DHX36: variants seen among roughly 807,000 people sequenced by gnomAD.
DHX36 encodes the protein ATP-dependent DNA/RNA helicase DHX36.
DHX36 carries 50 observed loss-of-function variants against 139.0 expected under a neutral mutation model. The ratio of observed to expected loss-of-function variants is 0.36; its 90% CI spans 0.29 to 0.46. DHX36 has a LOEUF of 0.46. DHX36 is among the 20% of genes least tolerant of loss of function. The pLI is 1.00. For missense variants in DHX36, 1,024 were observed against 1,211.3 expected, an observed-to-expected ratio of 0.85 and a Z score of 2.29; for synonymous variants, 425 against 401.9, an observed-to-expected ratio of 1.06 and a Z score of -0.69.
intron 12 of DHX36, 51 bp downstream of exon 12, chr3:154,299,787 A>G (rs368699815): frequency 1.6e-4 from 211 of 1,329,262 alleles, no homozygotes; most frequent in Non-Finnish European, 2.1e-4. Context: ...CACATCATAT[A>G]TAATTCAAAT....
Position 154,315,112 on chromosome 3 carries a change from A to C in DHX36, c.537T>G (p.Thr179=), listed in dbSNP as rs1377770552. 6.2e-7 allele frequency: 1 copy of C among 1,613,280 alleles called. No individual in the cohort carries two copies. Residue 179 remains threonine, a synonymous_variant, in exon 3 of 25, where the codon ACT becomes ACG. Coordinates refer to ENST00000496811, the MANE Select transcript of DHX36 (RefSeq NM_020865.3). The part of the protein sequence containing the change: ...YLLQENEPDG[T]LDQKLLEDLQ... ...AATCTTCCAATAATTTTTGGTCTAAAGTTCCATCTGGTTCATTTTCTTGCA... is the reference window on the plus strand; with the variant it reads ...AATCTTCCAATAATTTTTGGTCTAACGTTCCATCTGGTTCATTTTCTTGCA...
At chr3:154,293,614 C>G in intron 14 of DHX36, 134 bp downstream of exon 14, 1 of 611,910 alleles carries the variant, frequency 1.6e-6, no homozygotes, top group Non-Finnish European at 2.8e-6. Context: ...ACTATGCTCA[C>G]TGCCATAAAA....
intron 17 of DHX36, among the ~76,000 whole-genome samples, 196 bp downstream of exon 17, chr3:154,288,670 G>C (rs371121812): frequency 2.6e-5 from 4 of 151,972 alleles, no homozygotes; most frequent in African/African-American, 9.7e-5. Context: ...GAATTATTAC[G>C]AAGATATCAC....
At chr3:154,295,485 C>G (rs1712005754) in intron 12 of DHX36, 146 bp from the exon 13 acceptor site, 1 of 425,602 alleles carries the variant, frequency 2.3e-6, no homozygotes, top group Non-Finnish European at 4.3e-6. Context: ...AACAGCTAAA[C>G]CATCTGAGTT....
chr3:154,288,147 CA>C (rs34632439), intron 17 of DHX36, among the ~76,000 whole-genome samples: 8,786 of 53,314 alleles, frequency 0.16, 89 homozygotes, highest in Middle Eastern at 0.19. Flanking sequence ...GACTCTGTCT[CA>C]AAAAAAAAAA....
chr3:154,279,607 T>C (rs571800966), intron 22 of DHX36: 2 of 152,342 alleles, frequency 1.3e-5, no homozygotes, highest in African/African-American at 4.8e-5. Context: ...TTGACTTTAG[T>C]ACTACTGACA....
chr3:154,314,527 T>C (rs2108364536), intron 3 of DHX36: 1 of 152,750 alleles, frequency 6.5e-6, no homozygotes, highest in East Asian at 1.9e-4. Flanking sequence ...AATTTTATGT[T>C]TTAACTGAAA....
intron 15 of DHX36, among the ~76,000 whole-genome samples, chr3:154,292,208 T>C (rs1288027793): frequency 5.9e-5 from 9 of 152,162 alleles, no homozygotes; most frequent in Non-Finnish European, 1.3e-4. Flanking sequence ...TTAATATGGA[T>C]CAAGTGTTCA....
At chr3:154,311,709 A>C (rs762318806) in intron 3 of DHX36, 35 bp from the exon 4 acceptor site, 1 of 1,528,148 alleles carries the variant, frequency 6.5e-7, no homozygotes, top group Admixed American at 1.9e-5. Context: ...TTTTCACAGA[A>C]GATATGTAAT....
intron 1 of DHX36, 129 bp downstream of exon 1, chr3:154,324,045 T>C: frequency 1.8e-6 from 2 of 1,091,826 alleles, no homozygotes; most frequent in South Asian, 1.6e-5. Flanking sequence ...GCATAATATA[T>C]TTGCGCCTCA....
Position 154,315,156 on chromosome 3 carries a change from G to A in DHX36, c.493C>T (p.Arg165Ter). ...FRIRNRSYID[R>*]DSEYLLQENE... ...TCTTGCAAGAGATACTCAGAATCTC[G>A]GTCAATATATGATCTGTTCCTGATT... The change falls in exon 3 of 25, where the codon CGA (arginine) becomes TGA (stop). Residue 165 changes from arginine to a stop codon, truncating the protein, a stop_gained. Coordinates refer to ENST00000496811, the MANE Select transcript of DHX36 (RefSeq NM_020865.3). LOFTEE classifies it high-confidence loss of function. The A allele has an allele frequency of 3.7e-6, 6 of 1,612,550 alleles. No individual in the cohort carries two copies. Among genetic ancestry groups the A allele is most frequent in the South Asian group, 1.1e-5 (1 of 90,944 alleles).
At chr3:154,298,241 T>C (rs1712119033) in intron 12 of DHX36, among the ~76,000 whole-genome samples, 1 of 152,218 alleles carries the variant, frequency 6.6e-6, no homozygotes, top group African/African-American at 2.4e-5. Context: ...ACGTTATATT[T>C]TGGTATATAT....
Position 154,280,674 on chromosome 3 carries a change from G to A in DHX36, c.2477-5C>T. 6.2e-7 allele frequency: 1 copy of A among 1,609,706 alleles called. No homozygotes were observed. The highest frequency in any genetic ancestry group is 8.5e-7 in the Non-Finnish European group (1 of 1,176,560). On this transcript the variant is annotated splice_region_variant and splice_polypyrimidine_tract_variant and intron_variant, in intron 21 of 24. Coordinates refer to ENST00000496811, the MANE Select transcript of DHX36 (RefSeq NM_020865.3). Reference sequence around the variant, plus strand: ...CTTTAATTATCTTCTCATTATCTATGGGGGGTGAGAAGGTAGAGGGGAAAA... The same window carrying A: ...CTTTAATTATCTTCTCATTATCTATAGGGGGTGAGAAGGTAGAGGGGAAAA...
In DHX36 at chr3:154,324,475, C is replaced by G. The variant is rs1366884347; in HGVS notation, c.-59G>C. Reference sequence around the variant, plus strand: ...AACCGCTGGAAATGGCGTCCGGGCCCGGAAGCCACTGTGCGCCCACTTCCG... The same window carrying G: ...AACCGCTGGAAATGGCGTCCGGGCCGGGAAGCCACTGTGCGCCCACTTCCG... On this transcript the variant is annotated 5_prime_UTR_variant, in exon 1 of 25. Coordinates refer to ENST00000496811, the MANE Select transcript of DHX36 (RefSeq NM_020865.3). 7.0e-7 allele frequency: 1 copy of G among 1,435,198 alleles called. No individual in the cohort carries two copies. The allele number at this position is 1,435,198 out of a possible 1,614,324, so 88.9% of individuals were successfully genotyped here.
At chr3:154,280,218 C>G (rs1719290079) in intron 22 of DHX36, 1 of 176,994 alleles carries the variant, frequency 5.6e-6, no homozygotes, top group Non-Finnish European at 1.2e-5. Context: ...ATTCAAAGAG[C>G]TAAGTTATCC....
rs775355206 is a variant in DHX36, at chr3:154,289,764, T to C, written c.1877A>G (p.Tyr626Cys). The C allele has an allele frequency of 3.1e-6, 5 of 1,613,472 alleles. No homozygotes were observed. Among genetic ancestry groups the C allele is most frequent in the Admixed American group, 1.7e-5 (1 of 59,990 alleles). ...NGLRASLLDD[Y>C]QLPEILRTPL... The stretch of plus-strand genomic sequence containing the variant: ...AGTTCTCAAAATTTCTGGCAGTTGA[T>C]AGTCATCTAGAAGACTTGCTCTAAG... Residue 626 changes from tyrosine (Y) to cysteine (C), a missense_variant, in exon 16 of 25, where the codon TAT (tyrosine) becomes TGT (cysteine). Physicochemically the swap from Tyr to Cys is radical, Grantham distance 194. Coordinates refer to ENST00000496811, the MANE Select transcript of DHX36 (RefSeq NM_020865.3).
intron 12 of DHX36, among the ~76,000 whole-genome samples, chr3:154,298,572 C>T (rs1255701005): frequency 6.6e-6 from 1 of 152,160 alleles, no homozygotes; most frequent in African/African-American, 2.4e-5. Context: ...TAAATATATA[C>T]ATTTATTATT....
chr3:154,279,478 A>G (rs1413601998), intron 22 of DHX36: 1 of 152,320 alleles, frequency 6.6e-6, no homozygotes, highest in East Asian at 1.9e-4. Flanking sequence ...CATACAAAAA[A>G]ATTTCTGGCC....
At chr3:154,314,198 A>C (rs953662924) in intron 3 of DHX36, among the ~76,000 whole-genome samples, 5 of 152,196 alleles carry the variant, frequency 3.3e-5, no homozygotes, top group African/African-American at 4.8e-5. Context: ...TCACATTTTT[A>C]CCCAACAGGC....
Sources: allele counts gnomAD v4.1 joint callset (sites outside exome capture counted in the v4.1 genomes callset), GRCh38; gene constraint gnomAD v4.1.1; transcripts MANE v1.5; gene names NCBI Gene and HGNC (gene_info 2026-07-23, HGNC 2026-07-21).